The following SRPK1 variants were observed in gnomAD, a reference collection of about 807,000 sequenced individuals.
SRPK1 encodes the protein SFRS protein kinase 1.
A neutral mutation model predicts 89.5 loss-of-function variants in SRPK1; 52 were observed. The observed-to-expected ratio is 0.58, with a 90% CI of 0.46 to 0.73. SRPK1 has a LOEUF of 0.73. Ranked by LOEUF, SRPK1 falls within the 30% of genes least tolerant of loss-of-function variation. The pLI is 0.00. For missense variants in SRPK1, 603 were observed against 780.6 expected, an observed-to-expected ratio of 0.77 and a Z score of 2.71; for synonymous variants, 255 against 270.2, an observed-to-expected ratio of 0.94 and a Z score of 0.55.
intron 13 of SRPK1, among the ~76,000 whole-genome samples, chr6:35,848,452 G>A (rs1327701731): frequency 6.6e-6 from 1 of 152,188 alleles, no homozygotes; most frequent in Non-Finnish European, 1.5e-5. Context: ...AGCTATTTGG[G>A]AGGCTGAGAT....
chr6:35,853,127 G>A (rs1769590590), intron 13 of SRPK1, among the ~76,000 whole-genome samples: 1 of 151,916 alleles, frequency 6.6e-6, no homozygotes, highest in Non-Finnish European at 1.5e-5. Context: ...ATAGTCCTAG[G>A]CATGTGCCCA....
chr6:35,905,785 T>C (rs1770836219), intron 2 of SRPK1, among the ~76,000 whole-genome samples: 1 of 152,246 alleles, frequency 6.6e-6, no homozygotes, highest in African/African-American at 2.4e-5. Flanking sequence ...ACTGGGATTT[T>C]CAGCGTGGGA....
intron 15 of SRPK1, 51 bp from the exon 16 acceptor site, chr6:35,835,539 C>T: frequency 6.6e-7 from 1 of 1,522,260 alleles, no homozygotes; most frequent in Non-Finnish European, 8.9e-7. Context: ...AGACAAATGA[C>T]AAGGTACTCT....
At chr6:35,890,252 C>CA (rs1333368830) in intron 3 of SRPK1, among the ~76,000 whole-genome samples, 3 of 151,906 alleles carry the variant, frequency 2.0e-5, no homozygotes, top group Non-Finnish European at 4.4e-5. Flanking sequence ...AGCTCTGTCT[C>CA]AAAAAAACAA....
At chr6:35,884,147 A>G (rs1223134757) in intron 6 of SRPK1, among the ~76,000 whole-genome samples, 1 of 152,208 alleles carries the variant, frequency 6.6e-6, no homozygotes, top group Non-Finnish European at 1.5e-5. Flanking sequence ...CACATTATGA[A>G]TAAGAGGAGC....
rs187500152 is a variant in SRPK1, at chr6:35,838,348, A to C, written c.1772T>G (p.Phe591Cys). ...CACATTTACTTTACCTTTTTTGGTGAAAAATTCCTTGGAATATTTTCCTGC... is the reference window on the plus strand; with the variant it reads ...CACATTTACTTTACCTTTTTTGGTGCAAAATTCCTTGGAATATTTTCCTGC... ...IVAGKYSKEF[F>C]TKKGDLKHIT... Residue 591 changes from phenylalanine to cysteine, a missense_variant, in exon 15 of 16, where the codon TTC (phenylalanine) becomes TGC (cysteine). Physicochemically the swap from Phe to Cys is radical, Grantham distance 205. Transcript: ENST00000373825. The C allele has an allele frequency of 1.3e-6, 2 of 1,568,270 alleles. No individual in the cohort carries two copies. The highest frequency in any genetic ancestry group is 2.2e-5 in the Admixed American group (1 of 45,296).
chr6:35,893,134 A>G (rs189688715), intron 2 of SRPK1, among the ~76,000 whole-genome samples: 5 of 152,340 alleles, frequency 3.3e-5, no homozygotes, highest in Non-Finnish European at 7.3e-5. Context: ...AACATTCTCC[A>G]ATTTGAGATT....
chr6:35,893,894 G>A (rs1481725878), intron 2 of SRPK1, among the ~76,000 whole-genome samples: 2 of 151,870 alleles, frequency 1.3e-5, no homozygotes, highest in Admixed American at 6.6e-5. Flanking sequence ...GCCTGTAATC[G>A]CAGCTACTCG....
intron 1 of SRPK1, 79 bp from the exon 2 acceptor site, chr6:35,920,607 G>A: frequency 1.5e-6 from 2 of 1,329,892 alleles, no homozygotes; most frequent in African/African-American, 1.5e-5. Context: ...CCCAGCAGGG[G>A]CGCCAGGCCC....
intron 15 of SRPK1, among the ~76,000 whole-genome samples, 152 bp downstream of exon 15, chr6:35,838,185 C>T (rs1769225519): frequency 1.3e-5 from 2 of 151,634 alleles, no homozygotes; most frequent in African/African-American, 4.9e-5. Context: ...TGCTCTTGAC[C>T]ACTTTTTTTA....
intron 2 of SRPK1, among the ~76,000 whole-genome samples, chr6:35,891,746 A>G (rs1167767190): frequency 6.6e-6 from 1 of 151,320 alleles, no homozygotes; most frequent in African/African-American, 2.4e-5. Context: ...AAAAAAAAAA[A>G]TCTTAACATG....
chr6:35,907,711 AT>A (rs147630714), intron 2 of SRPK1, among the ~76,000 whole-genome samples: 46,395 of 149,768 alleles, frequency 0.31, 7,236 homozygotes, highest in South Asian at 0.42. Context: ...GTCTCAAAAA[AT>A]AAAAAATAAA....
intron 2 of SRPK1, among the ~76,000 whole-genome samples, chr6:35,899,112 G>T (rs922278309): frequency 1.3e-5 from 2 of 152,090 alleles, no homozygotes; most frequent in African/African-American, 4.8e-5. Context: ...AGTGAGCTGG[G>T]ATCGCACCAC....
intron 2 of SRPK1, among the ~76,000 whole-genome samples, chr6:35,912,440 T>C (rs1770989960): frequency 6.6e-6 from 1 of 152,190 alleles, no homozygotes; most frequent in Non-Finnish European, 1.5e-5. Flanking sequence ...TAACATTTTT[T>C]AGCAATAACG....
intron 13 of SRPK1, among the ~76,000 whole-genome samples, chr6:35,843,237 G>A (rs1486212047): frequency 4.6e-5 from 7 of 151,670 alleles, no homozygotes; most frequent in African/African-American, 1.7e-4. Flanking sequence ...CAAAGTGCTG[G>A]GATTACAGGT....
intron 2 of SRPK1, among the ~76,000 whole-genome samples, chr6:35,899,767 C>T (rs1393517845): frequency 2.0e-5 from 3 of 152,122 alleles, no homozygotes; most frequent in African/African-American, 4.8e-5. Context: ...TTTGGGAAGC[C>T]GAGGCGGGTG....
At chr6:35,865,897 C>T (rs1377452244) in intron 12 of SRPK1, among the ~76,000 whole-genome samples, 1 of 151,716 alleles carries the variant, frequency 6.6e-6, no homozygotes, top group Non-Finnish European at 1.5e-5. Context: ...AGCTTCTGCA[C>T]AGCAAAAGAA....
intron 2 of SRPK1, among the ~76,000 whole-genome samples, chr6:35,912,073 C>A (rs1442523713): frequency 6.6e-6 from 1 of 152,120 alleles, no homozygotes; most frequent in African/African-American, 2.4e-5. Context: ...GTGGTTCACA[C>A]CCCTAATCCC....
chr6:35,918,816 A>T (rs1188179274), intron 2 of SRPK1, among the ~76,000 whole-genome samples: 1 of 152,238 alleles, frequency 6.6e-6, no homozygotes, highest in Non-Finnish European at 1.5e-5. Context: ...AATCGAAAGT[A>T]ACAGATTTCT....
Sources: gnomAD v4.1 joint callset for allele counts (sites outside exome capture counted in the v4.1 genomes callset) on GRCh38, gnomAD v4.1.1 for gene constraint, MANE v1.5 for transcripts, NCBI Gene and HGNC (gene_info 2026-07-23, HGNC 2026-07-21) for gene names.